Variants in NHSL1 observed in about 807,000 individuals in gnomAD.
NHSL1 encodes the protein NHS like 1.
NHSL1 carries 48 observed loss-of-function variants against 95.0 expected under a neutral mutation model. That is an observed-to-expected ratio of 0.51 (90% CI 0.40 to 0.64). The LOEUF (loss-of-function observed/expected upper bound fraction) is 0.64. NHSL1 is among the 30% of genes least tolerant of loss of function. NHSL1 has a pLI of 0.00. For missense variants in NHSL1, 1,971 were observed against 2,077.7 expected (o/e 0.95, Z 1.00); for synonymous variants, 783 against 833.9 (o/e 0.94, Z 1.05).
At chr6:138,628,118 G>C (rs1417142029) in intron 1 of NHSL1, among the ~76,000 whole-genome samples, 1 of 150,692 alleles carries the variant, frequency 6.6e-6, no homozygotes, top group Non-Finnish European at 1.5e-5. Context: ...TTCGAGACCA[G>C]CCTGACCAAT....
At chr6:138,568,587 C>T (rs959891682) in intron 1 of NHSL1, among the ~76,000 whole-genome samples, 1 of 152,202 alleles carries the variant, frequency 6.6e-6, no homozygotes, top group Non-Finnish European at 1.5e-5. Context: ...TCTTACCTCT[C>T]TGAGTATAAA....
intron 2 of NHSL1, among the ~76,000 whole-genome samples, chr6:138,478,156 G>A (rs1779204057): frequency 6.6e-6 from 1 of 151,218 alleles, no homozygotes; most frequent in African/African-American, 2.4e-5. Context: ...TGGGAATACA[G>A]GCATACACCA....
At chr6:138,571,348 C>T (rs1163384864) in intron 1 of NHSL1, among the ~76,000 whole-genome samples, 1 of 152,164 alleles carries the variant, frequency 6.6e-6, no homozygotes. Flanking sequence ...AAGAGTTCCA[C>T]GTTCTAGCCC....
intron 7 of NHSL1, among the ~76,000 whole-genome samples, chr6:138,427,492 T>A (rs1775343710): frequency 6.6e-6 from 1 of 150,930 alleles, no homozygotes; most frequent in Non-Finnish European, 1.5e-5. Context: ...ATGAAAGCAC[T>A]GTCATCTCTC....
intron 2 of NHSL1, among the ~76,000 whole-genome samples, chr6:138,487,021 GA>G (rs1779770655): frequency 6.6e-6 from 1 of 152,174 alleles, no homozygotes; most frequent in South Asian, 2.1e-4. Flanking sequence ...TTGTGGTTCA[GA>G]AGGGAAAAAG....
At chr6:138,545,865 G>A, upstream of NHSL1, 1 of 980,400 alleles carries the variant, frequency 1.0e-6, no homozygotes, top group South Asian at 4.7e-5. Flanking sequence ...GAATCAGCCT[G>A]CAATCATCTT....
intron 3 of NHSL1, among the ~76,000 whole-genome samples, chr6:138,453,863 T>C (rs1777402100): frequency 6.6e-6 from 1 of 152,034 alleles, no homozygotes; most frequent in Non-Finnish European, 1.5e-5. Flanking sequence ...GCTCTAAACT[T>C]TCTTATCACA....
chr6:138,446,728 TAATTA>T, intron 4 of NHSL1: 1 of 371,728 alleles, frequency 2.7e-6, no homozygotes, highest in Non-Finnish European at 4.8e-6. Flanking sequence ...AAAAGCAATT[TAATTA>T]AAAGAGACAC....
rs942208650 is a variant in NHSL1, at chr6:138,692,461, C to A, written c.96+15G>T. On this transcript the variant is annotated intron_variant, in intron 1 of 3. Coordinates refer to the NHSL1 transcript ENST00000491526. The surrounding 1 kb of genome is among the most constrained non-coding windows in gnomAD (Gnocchi z 4.0). ...CCCCCGCCGGTTCCCCTCCCCCGGCCCGCCGGCCACTCACGGATTTTCACT... is the reference window on the plus strand; with the variant it reads ...CCCCCGCCGGTTCCCCTCCCCCGGCACGCCGGCCACTCACGGATTTTCACT... 1 of 205,016 alleles carries A rather than the reference C, an allele frequency of 4.9e-6. No homozygotes were observed. The highest frequency in any genetic ancestry group is 9.7e-6 in the Non-Finnish European group (1 of 103,230). The allele number at this position is 205,016 out of a possible 1,614,324, so 12.7% of individuals were successfully genotyped here.
At chr6:138,572,221 G>C (rs895376137) in exon 1 of NHSL1, 1 of 267,028 alleles carries the variant, frequency 3.7e-6, no homozygotes, top group African/African-American at 2.3e-5. Context: ...ATGAAGCAGC[G>C]TGTTCATTTC....
intron 1 of NHSL1, among the ~76,000 whole-genome samples, chr6:138,625,122 CTTT>C (rs1010555501): frequency 6.6e-6 from 1 of 150,894 alleles, no homozygotes; most frequent in Non-Finnish European, 1.5e-5. Context: ...TCAATTAACA[CTTT>C]TTTGTTGTTG....
In NHSL1 at chr6:138,499,420, C is replaced by A; in HGVS notation, c.-130G>T. 6.9e-7 allele frequency: 1 copy of A among 1,459,418 alleles called. No individual in the cohort carries two copies. Among genetic ancestry groups the A allele is most frequent in the South Asian group, 1.4e-5 (1 of 72,738 alleles). 90.4% of individuals were successfully genotyped at this position (1,459,418 alleles called of 1,614,324 possible). A position where few individuals can be genotyped will look rare whatever the true frequency, so the allele number is the denominator to read the frequency against. On this transcript the variant is annotated 5_prime_UTR_variant, in exon 1 of 8. The change abolishes an upstream ATG in the 5' untranslated region. Coordinates refer to ENST00000343505, the MANE Select transcript of NHSL1 (RefSeq NM_001144060.2). ...CTTCCCCCGGTCTCATATCCTTAGACATCTGCCCAGGCTGATGTAACTGAG... is the reference window on the plus strand; with the variant it reads ...CTTCCCCCGGTCTCATATCCTTAGAAATCTGCCCAGGCTGATGTAACTGAG...
intron 1 of NHSL1, among the ~76,000 whole-genome samples, chr6:138,667,105 G>A (rs1785305291): frequency 6.6e-6 from 1 of 152,150 alleles, no homozygotes. Flanking sequence ...GCAGCCATTA[G>A]CGTTTCAGAG....
Position 138,604,458 on chromosome 6 carries a change from C to T in NHSL1, c.96+88018G>A, listed in dbSNP as rs954774905. ...CTTAGGGTTAAGAAGCCCTGCTCTA[C>T]AACTAAGAAGCAAGGAGGGAAGGCT... On this transcript the variant is annotated intron_variant, in intron 1 of 3. Coordinates refer to the NHSL1 transcript ENST00000491526. Among the ~76,000 whole-genome samples, 52 of 152,140 alleles carry T rather than the reference C, an allele frequency of 3.4e-4. 1 individual carries two copies. Among genetic ancestry groups the T allele is most frequent in the Non-Finnish European group, 1.3e-4 (9 of 68,032 alleles).
At chr6:138,626,050 G>A (rs191894152) in intron 1 of NHSL1, among the ~76,000 whole-genome samples, 226 of 152,322 alleles carry the variant, frequency 1.5e-3, no homozygotes, top group Non-Finnish European at 2.7e-3. Context: ...TTCCTGCACT[G>A]AGGCATTACT....
intron 2 of NHSL1, among the ~76,000 whole-genome samples, chr6:138,483,737 G>A (rs1366661443): frequency 1.3e-5 from 2 of 151,994 alleles, no homozygotes; most frequent in Non-Finnish European, 2.9e-5. Context: ...ATCTCTCCAC[G>A]CCCTGAATGT....
At chr6:138,553,686 AAT>A (rs1343383568) in intron 1 of NHSL1, among the ~76,000 whole-genome samples, 1 of 152,098 alleles carries the variant, frequency 6.6e-6, no homozygotes, top group Non-Finnish European at 1.5e-5. Flanking sequence ...CTTACAATTA[AAT>A]AGATGTATTT....
chr6:138,644,529 G>A (rs1297529154), intron 1 of NHSL1, among the ~76,000 whole-genome samples: 1 of 152,086 alleles, frequency 6.6e-6, no homozygotes, highest in Non-Finnish European at 1.5e-5. Flanking sequence ...AATTTCTTCT[G>A]AAGTATCACA....
intron 3 of NHSL1, among the ~76,000 whole-genome samples, chr6:138,467,669 A>T (rs1245772746): frequency 1.3e-5 from 2 of 152,208 alleles, no homozygotes; most frequent in Non-Finnish European, 2.9e-5. Flanking sequence ...TATCCTGTGT[A>T]GGCCAAGGCT....
Sources: gnomAD v4.1 joint callset for allele counts (sites outside exome capture counted in the v4.1 genomes callset) on GRCh38, gnomAD v4.1.1 for gene constraint, Gnocchi (gnomAD v3.1) non-coding constraint, MANE v1.5 for transcripts, NCBI Gene and HGNC (gene_info 2026-07-23, HGNC 2026-07-21) for gene names.